UNC13C: variants seen among roughly 807,000 people sequenced by gnomAD.
UNC13C encodes the protein protein unc-13 homolog C.
A neutral mutation model predicts 245.4 loss-of-function variants in UNC13C; 174 were observed. The observed-to-expected ratio is 0.71, with a 90% CI of 0.63 to 0.80. The LOEUF is 0.80. UNC13C is among the 30% of genes least tolerant of loss of function. UNC13C has a pLI of 0.00. For synonymous variants in UNC13C, 992 were observed against 895.1 expected (o/e 1.11, Z -1.93); for missense variants, 2,829 against 2,602.9 (o/e 1.09, Z -1.89).
chr15:54,097,914 G>C (rs1017586687), intron 2 of UNC13C, among the ~76,000 whole-genome samples: 4 of 152,178 alleles, frequency 2.6e-5, no homozygotes, highest in African/African-American at 9.6e-5. Flanking sequence ...TTAGAAAAGA[G>C]TAAGCCTTCC....
intron 2 of UNC13C, among the ~76,000 whole-genome samples, chr15:54,042,669 G>C (rs887559271): frequency 1.6e-4 from 25 of 151,994 alleles, no homozygotes; most frequent in Middle Eastern, 3.2e-3. Context: ...CTGGCTAACA[G>C]GGTGAAACCC....
intron 2 of UNC13C, among the ~76,000 whole-genome samples, chr15:54,053,704 T>C (rs1166977715): frequency 2.0e-5 from 3 of 152,264 alleles, no homozygotes; most frequent in South Asian, 2.1e-4. Context: ...TGTAGTCCCT[T>C]TGTTGTGCTA....
chr15:54,207,186 C>T (rs1221327293), intron 4 of UNC13C, among the ~76,000 whole-genome samples: 2 of 151,818 alleles, frequency 1.3e-5, no homozygotes, highest in Non-Finnish European at 2.9e-5. Flanking sequence ...TTGTTCCGAA[C>T]AAAACTCATG....
At chr15:54,601,770 A>T (rs1326087563) in intron 30 of UNC13C, among the ~76,000 whole-genome samples, 1 of 152,180 alleles carries the variant, frequency 6.6e-6, no homozygotes, top group Admixed American at 6.5e-5. Flanking sequence ...GGAAGAAAGA[A>T]GTAAAATCAT....
chr15:54,463,910 A>G (rs1892022941), intron 19 of UNC13C, among the ~76,000 whole-genome samples: 1 of 152,230 alleles, frequency 6.6e-6, no homozygotes, highest in African/African-American at 2.4e-5. Context: ...AAGAAGGGAC[A>G]AGCCCAATGG....
At chr15:54,608,868 G>GAT (rs1899923852) in intron 30 of UNC13C, among the ~76,000 whole-genome samples, 1 of 152,224 alleles carries the variant, frequency 6.6e-6, no homozygotes, top group Middle Eastern at 3.4e-3. Flanking sequence ...TGTTAGATTA[G>GAT]ACCAATTATT....
rs549709178 is a variant in UNC13C at position 54,573,709 on chromosome 15, G to T, written c.6106+5762G>T. 3.3e-5 allele frequency among the ~76,000 whole-genome samples: 5 copies of T among 152,320 alleles called. No individual in the cohort carries two copies. In the East Asian group the frequency reaches 7.7e-4, roughly 23 times the overall value. Reference sequence around the variant, plus strand: ...CCTCAGGAGACATATGGCAATATCTGCAGAGCTTTGGTTGTCACATCCTGG... The same window carrying T: ...CCTCAGGAGACATATGGCAATATCTTCAGAGCTTTGGTTGTCACATCCTGG... On this transcript the variant is annotated intron_variant, in intron 30 of 32. Transcript: ENST00000260323.
intron 16 of UNC13C, among the ~76,000 whole-genome samples, chr15:54,336,871 T>G (rs1200750651): frequency 1.3e-5 from 2 of 152,162 alleles, no homozygotes; most frequent in African/African-American, 4.8e-5. Flanking sequence ...TACTGTGACC[T>G]TATAGCAAAT....
chr15:54,158,158 A>G (rs2032829878), intron 4 of UNC13C, among the ~76,000 whole-genome samples: 2 of 152,200 alleles, frequency 1.3e-5, no homozygotes, highest in South Asian at 4.1e-4. Context: ...TTGAGTTGTG[A>G]GAAGGAGCAA....
chr15:53,930,121 G>A, the UNC13C span, among the ~76,000 whole-genome samples: 86 of 152,230 alleles, frequency 5.6e-4, no homozygotes, highest in Middle Eastern at 3.4e-3. Flanking sequence ...CATGTCTGGG[G>A]CCTTGAAGCT....
At chr15:54,387,496 A>G (rs1205061822) in intron 17 of UNC13C, among the ~76,000 whole-genome samples, 2 of 151,954 alleles carry the variant, frequency 1.3e-5, no homozygotes, top group Non-Finnish European at 2.9e-5. Flanking sequence ...TTTCTTCCCC[A>G]TTTTGATTTT....
intron 30 of UNC13C, among the ~76,000 whole-genome samples, chr15:54,593,380 CCTCGATTATTT>C (rs2141258739): frequency 6.6e-6 from 1 of 152,192 alleles, no homozygotes; most frequent in East Asian, 1.9e-4. Flanking sequence ...GAGAAGTTTT[CCTCGATTATTT>C]CTCCAAATAT....
At chr15:54,252,318 T>A (rs2036172864) in intron 8 of UNC13C, among the ~76,000 whole-genome samples, 2 of 152,190 alleles carry the variant, frequency 1.3e-5, no homozygotes, top group Non-Finnish European at 2.9e-5. Context: ...CTATTTCCAT[T>A]TCTTAAAACA....
the UNC13C span, among the ~76,000 whole-genome samples, chr15:53,861,572 G>A: frequency 0.027 from 4,114 of 152,156 alleles, 163 homozygotes; most frequent in African/African-American, 0.095. Context: ...AGCATGGGTC[G>A]TCTAGAAAAC....
At chr15:54,434,739 C>T (rs1029846021) in intron 19 of UNC13C, among the ~76,000 whole-genome samples, 4 of 152,016 alleles carry the variant, frequency 2.6e-5, no homozygotes, top group Non-Finnish European at 4.4e-5. Context: ...CAAATGGGAT[C>T]TAATTAAACT....
chr15:53,988,090 T>C (rs1010343259), intron 1 of UNC13C, among the ~76,000 whole-genome samples: 1 of 152,008 alleles, frequency 6.6e-6, no homozygotes, highest in African/African-American at 2.4e-5. Flanking sequence ...CTAGTGCCTG[T>C]ATCTGGCTTC....
intron 4 of UNC13C, among the ~76,000 whole-genome samples, chr15:54,160,116 A>G (rs1383315691): frequency 2.0e-5 from 3 of 152,092 alleles, no homozygotes; most frequent in Admixed American, 6.6e-5. Context: ...TACTATTGAC[A>G]AAAAAGGACA....
the UNC13C span, among the ~76,000 whole-genome samples, chr15:53,880,555 G>C: frequency 1.3e-5 from 2 of 152,142 alleles, no homozygotes; most frequent in Non-Finnish European, 2.9e-5. Context: ...AGCTTCCTGT[G>C]AGGTCAGCTG....
chr15:54,351,570 G>C (rs576542512), intron 17 of UNC13C, among the ~76,000 whole-genome samples: 23 of 152,254 alleles, frequency 1.5e-4, no homozygotes, highest in Admixed American at 5.9e-4. Flanking sequence ...GAAAATGGTA[G>C]ATGTTACTTG....
Sources: gnomAD v4.1 joint callset for allele counts (sites outside exome capture counted in the v4.1 genomes callset) on GRCh38, gnomAD v4.1.1 for gene constraint, MANE v1.5 for transcripts, NCBI Gene and HGNC (gene_info 2026-07-23, HGNC 2026-07-21) for gene names.